The following DLGAP2 variants were observed in gnomAD, a reference collection of about 807,000 sequenced individuals.
DLGAP2 encodes DLG associated protein 2.
Under a neutral mutation model 100.3 loss-of-function variants are expected in DLGAP2, and 26 were observed. The observed-to-expected ratio is 0.26, with a 90% CI of 0.19 to 0.36. DLGAP2 has a LOEUF of 0.36. Ranked by LOEUF, DLGAP2 falls within the 10% of genes least tolerant of loss-of-function variation. DLGAP2 has a pLI of 1.00. For missense variants in DLGAP2, 1,858 were observed against 1,453.2 expected (o/e 1.28, Z -4.53); for synonymous variants, 886 against 630.1 (o/e 1.41, Z -6.08).
At chr8:996,218 T>C (rs761271881) in intron 2 of DLGAP2, among the ~76,000 whole-genome samples, 2 of 152,188 alleles carry the variant, frequency 1.3e-5, no homozygotes, top group Admixed American at 6.5e-5. Flanking sequence ...CCTTCTTTAC[T>C]TATAGTAACT....
chr8:1,531,233 A>AGTGT (rs771634448), intron 4 of DLGAP2, among the ~76,000 whole-genome samples: 73 of 116,758 alleles, frequency 6.3e-4, no homozygotes, highest in Admixed American at 1.1e-3. Context: ...ATTATTAGAG[A>AGTGT]GCGTGTGCGT....
intron 2 of DLGAP2, among the ~76,000 whole-genome samples, chr8:1,225,966 A>G (rs976060291): frequency 2.0e-5 from 3 of 152,056 alleles, no homozygotes; most frequent in Non-Finnish European, 4.4e-5. Context: ...CATTTTTAAT[A>G]TTTTAGAAAG....
Position 1,702,541 on chromosome 8 carries a change from G to C in DLGAP2, c.*1135G>C, listed in dbSNP as rs1799603136. 1 of 152,486 alleles carries C rather than the reference G, an allele frequency of 6.6e-6. No individual in the cohort carries two copies. The highest frequency in any genetic ancestry group is 1.5e-5 in the Non-Finnish European group (1 of 68,004). 9.4% of individuals were successfully genotyped at this position (152,486 alleles called of 1,614,324 possible). On this transcript the variant is annotated 3_prime_UTR_variant, in exon 15 of 15. Transcript: ENST00000637795. ...TTTTGTCCTATGCAGTATTGCTAAA[G>C]TCGAGAATATATTCCTTGCCTGTGT...
intron 2 of DLGAP2, among the ~76,000 whole-genome samples, chr8:1,077,340 C>A (rs1050514869): frequency 6.6e-6 from 1 of 152,210 alleles, no homozygotes; most frequent in African/African-American, 2.4e-5. Flanking sequence ...GGGCACAGTT[C>A]TACCCACACC....
chr8:1,050,942 GGGGGTCATTTTGTGGT>G (rs1394343409), intron 2 of DLGAP2, among the ~76,000 whole-genome samples: 1 of 144,746 alleles, frequency 6.9e-6, no homozygotes, highest in Non-Finnish European at 1.5e-5. Flanking sequence ...TTCGTGGGTG[GGGGGTCATTTTGTGGT>G]GGGGTCATTT....
At chr8:915,459 A>G (rs1397193192) in intron 2 of DLGAP2, among the ~76,000 whole-genome samples, 2 of 152,044 alleles carry the variant, frequency 1.3e-5, no homozygotes, top group Non-Finnish European at 2.9e-5. Flanking sequence ...AGGCAGGAGA[A>G]TGGTGTGAGC....
At chr8:1,162,933 G>A (rs1299407731) in intron 2 of DLGAP2, among the ~76,000 whole-genome samples, 1 of 152,226 alleles carries the variant, frequency 6.6e-6, no homozygotes, top group Non-Finnish European at 1.5e-5. Flanking sequence ...CTCAGCTGAG[G>A]GGGCTGCCAT....
At chr8:1,267,315 C>A (rs1441283404) in intron 3 of DLGAP2, among the ~76,000 whole-genome samples, 1 of 150,784 alleles carries the variant, frequency 6.6e-6, no homozygotes, top group Non-Finnish European at 1.5e-5. Flanking sequence ...GCCTGTAATT[C>A]CAGCACTTTG....
chr8:1,657,075 C>T (rs908601177), intron 8 of DLGAP2, among the ~76,000 whole-genome samples: 5 of 152,248 alleles, frequency 3.3e-5, no homozygotes, highest in Admixed American at 6.5e-5. Context: ...CAAACAGATA[C>T]TCATGCTTGG....
intron 3 of DLGAP2, among the ~76,000 whole-genome samples, chr8:1,409,870 T>C (rs1316871519): frequency 3.3e-5 from 5 of 152,156 alleles, no homozygotes; most frequent in Admixed American, 6.5e-5. Context: ...GCCGGGGCCT[T>C]CGGGCTTAGA....
At chr8:1,132,840 T>C (rs1220135110) in intron 2 of DLGAP2, among the ~76,000 whole-genome samples, 1 of 152,210 alleles carries the variant, frequency 6.6e-6, no homozygotes, top group Non-Finnish European at 1.5e-5. Flanking sequence ...TCATGGATCA[T>C]AGATGGATTC....
chr8:1,390,748 C>T (rs1350258045), intron 3 of DLGAP2, among the ~76,000 whole-genome samples: 1 of 152,202 alleles, frequency 6.6e-6, no homozygotes, highest in Non-Finnish European at 1.5e-5. Flanking sequence ...CCTGAGAATA[C>T]TGCAGGTGGA....
chr8:1,094,852 A>G (rs1804313363), intron 2 of DLGAP2, among the ~76,000 whole-genome samples: 1 of 152,238 alleles, frequency 6.6e-6, no homozygotes, highest in South Asian at 2.1e-4. Flanking sequence ...TATCCAAGCA[A>G]ACGTCCTGAC....
intron 4 of DLGAP2, among the ~76,000 whole-genome samples, chr8:1,505,762 TTAA>T (rs1175834926): frequency 3.3e-5 from 5 of 152,324 alleles, no homozygotes; most frequent in Non-Finnish European, 5.9e-5. Flanking sequence ...AATTGCTCTC[TTAA>T]TAACTTTTGT....
chr8:1,588,306 C>A (rs936982522), intron 6 of DLGAP2, among the ~76,000 whole-genome samples: 2 of 151,840 alleles, frequency 1.3e-5, no homozygotes, highest in East Asian at 1.9e-4. Flanking sequence ...ATGAAGAGAA[C>A]AGAGCAAAAA....
At chr8:845,250 C>T (rs746358483) in intron 1 of DLGAP2, among the ~76,000 whole-genome samples, 5 of 152,188 alleles carry the variant, frequency 3.3e-5, no homozygotes, top group East Asian at 1.9e-4. Context: ...CATGAGTTTA[C>T]GTTTCTGCCA....
chr8:1,207,850 G>A (rs1298149003), intron 2 of DLGAP2, among the ~76,000 whole-genome samples: 1 of 151,950 alleles, frequency 6.6e-6, no homozygotes, highest in Non-Finnish European at 1.5e-5. Flanking sequence ...ATGTTTGTTG[G>A]CCATTTTTGT....
At chr8:1,160,813 A>G (rs913941815) in intron 2 of DLGAP2, among the ~76,000 whole-genome samples, 16 of 152,150 alleles carry the variant, frequency 1.1e-4, no homozygotes, top group Non-Finnish European at 7.4e-5. Flanking sequence ...TTTTTTCACC[A>G]CCTCGAAGAC....
At chr8:1,229,271 T>C (rs1471892288) in intron 2 of DLGAP2, among the ~76,000 whole-genome samples, 1 of 142,692 alleles carries the variant, frequency 7.0e-6, no homozygotes, top group Non-Finnish European at 1.5e-5. Context: ...TCTACCTTGA[T>C]TTTTTTTTTT....
Sources: allele counts gnomAD v4.1 joint callset (sites outside exome capture counted in the v4.1 genomes callset), GRCh38; gene constraint gnomAD v4.1.1; transcripts MANE v1.5; gene names NCBI Gene and HGNC (gene_info 2026-07-23, HGNC 2026-07-21).